The following PDE1C variants were observed in gnomAD, a reference collection of about 807,000 sequenced individuals.
The protein encoded by PDE1C is dual specificity calcium/calmodulin-dependent 3',5'-cyclic nucleotide phosphodiesterase 1C.
A neutral mutation model predicts 93.1 loss-of-function variants in PDE1C; 62 were observed. That is an observed-to-expected ratio of 0.67 (90% CI 0.54 to 0.82). The LOEUF (loss-of-function observed/expected upper bound fraction) is 0.82. Ranked by LOEUF, PDE1C falls within the 40% of genes least tolerant of loss-of-function variation. The probability of loss-of-function intolerance (pLI) is 0.00; values close to 1 mark genes in which losing one functional copy is unlikely to be tolerated. For missense variants in PDE1C, 742 were observed against 884.6 expected, an observed-to-expected ratio of 0.84 and a Z score of 2.04; for synonymous variants, 325 against 310.1, an observed-to-expected ratio of 1.05 and a Z score of -0.50.
chr7:32,025,504 C>T (rs1382706833), intron 2 of PDE1C, among the ~76,000 whole-genome samples: 1 of 152,038 alleles, frequency 6.6e-6, no homozygotes, highest in Admixed American at 6.6e-5. Context: ...GAAGCTGATC[C>T]CAGCAAGGCT....
intron 1 of PDE1C, among the ~76,000 whole-genome samples, chr7:32,334,451 A>T (rs1255229356): frequency 6.6e-6 from 1 of 152,054 alleles, no homozygotes; most frequent in Non-Finnish European, 1.5e-5. Flanking sequence ...TTTTTCCCCC[A>T]TAGGTTATTG....
At chr7:32,256,431 A>C (rs1003226436) in intron 1 of PDE1C, among the ~76,000 whole-genome samples, 2 of 152,168 alleles carry the variant, frequency 1.3e-5, no homozygotes, top group African/African-American at 2.4e-5. Flanking sequence ...GTATGGTGGC[A>C]AAGCCCTGGA....
chr7:32,192,342 C>T (rs1804291355), intron 2 of PDE1C, among the ~76,000 whole-genome samples: 1 of 152,070 alleles, frequency 6.6e-6, no homozygotes, highest in Non-Finnish European at 1.5e-5. Context: ...TATTTAGGCC[C>T]ATGATCTATT....
At chr7:32,386,845 T>C (rs1240486900) in intron 1 of PDE1C, among the ~76,000 whole-genome samples, 1 of 152,196 alleles carries the variant, frequency 6.6e-6, no homozygotes, top group African/African-American at 2.4e-5. Context: ...ATTTGCCCTC[T>C]TACTGCAGTG....
chr7:31,666,610 G>T, the PDE1C span, among the ~76,000 whole-genome samples: 17 of 152,264 alleles, frequency 1.1e-4, no homozygotes, highest in Admixed American at 4.6e-4. Flanking sequence ...TTAAAGTCAG[G>T]TTATTGAGGT....
chr7:31,983,467 T>TGA (rs1398594996), intron 2 of PDE1C, among the ~76,000 whole-genome samples: 1 of 152,176 alleles, frequency 6.6e-6, no homozygotes, highest in African/African-American at 2.4e-5. Flanking sequence ...ATGCACTGAA[T>TGA]GATGCATGCC....
At chr7:32,397,811 G>A (rs947607681) in intron 1 of PDE1C, among the ~76,000 whole-genome samples, 1 of 151,528 alleles carries the variant, frequency 6.6e-6, no homozygotes, top group Non-Finnish European at 1.5e-5. Context: ...GTCAGAGTTC[G>A]AGACTAGTCT....
chr7:31,626,607 C>T, the PDE1C span, among the ~76,000 whole-genome samples: 1 of 152,100 alleles, frequency 6.6e-6, no homozygotes, highest in Non-Finnish European at 1.5e-5. Flanking sequence ...TAGTTTTTAG[C>T]ATTTGAATCA....
At position 32,109,782 on chromosome 7, in the gene PDE1C, C is replaced by A. The variant is rs546564384; in HGVS notation, c.308+60003G>T. Among the ~76,000 whole-genome samples, 676 of 152,028 alleles carry A rather than the reference C, an allele frequency of 4.4e-3. 5 individuals carry two copies. Among genetic ancestry groups the A allele is most frequent in the African/African-American group, 0.016 (645 of 41,452 alleles). ...TTTGTCTTTTCATTTCATTTCTTTT[C>A]TTTTCTTTTCTTTAGAGGGAAGAGG... On this transcript the variant is annotated intron_variant, in intron 3 of 18. Transcript: ENST00000396193.
At position 31,897,381 on chromosome 7, in the gene PDE1C, C is replaced by T. The variant is rs111528237; in HGVS notation, c.129-16521G>A. On this transcript the variant is annotated intron_variant, in intron 2 of 17. Coordinates refer to ENST00000396191, the MANE Select transcript of PDE1C (RefSeq NM_001191057.4). ...CAGAAAACATGTAAGATTATACATT[C>T]GTGGACTTAAAATAGCAAATCATGG... Among the ~76,000 whole-genome samples, 1,377 of 152,294 alleles carry T rather than the reference C, an allele frequency of 9.0e-3. 19 individuals carry two copies. The highest frequency in any genetic ancestry group is 0.031 in the African/African-American group (1,296 of 41,558).
chr7:31,628,152 T>G, the PDE1C span, among the ~76,000 whole-genome samples: 1 of 152,186 alleles, frequency 6.6e-6, no homozygotes, highest in South Asian at 2.1e-4. Context: ...CGGCAGCCAT[T>G]TTCAAAAAGT....
chr7:32,148,914 A>G (rs146891014), intron 3 of PDE1C, among the ~76,000 whole-genome samples: 15 of 152,334 alleles, frequency 9.8e-5, no homozygotes, highest in Non-Finnish European at 1.9e-4. Context: ...TTATTATCTA[A>G]TCATCTCACA....
At chr7:32,150,218 C>G (rs1584860831) in intron 3 of PDE1C, among the ~76,000 whole-genome samples, 1 of 152,214 alleles carries the variant, frequency 6.6e-6, no homozygotes, top group East Asian at 1.9e-4. Context: ...CGGGTCACAT[C>G]ATTGTTGGGT....
At chr7:32,089,094 A>G (rs899412853) in intron 3 of PDE1C, among the ~76,000 whole-genome samples, 9 of 152,216 alleles carry the variant, frequency 5.9e-5, no homozygotes, top group Non-Finnish European at 1.3e-4. Flanking sequence ...CTGAAAGGGC[A>G]GGTTTAACCC....
At chr7:32,417,247 G>A (rs1785293557) in intron 1 of PDE1C, among the ~76,000 whole-genome samples, 1 of 151,476 alleles carries the variant, frequency 6.6e-6, no homozygotes, top group African/African-American at 2.4e-5. Flanking sequence ...GTGAATCCCA[G>A]TTGTAACTGA....
chr7:32,154,933 G>A lies in PDE1C; in HGVS notation c.308+14852C>T, dbSNP rs569429872. Among the ~76,000 whole-genome samples the A allele has an allele frequency of 2.4e-3, 369 of 152,374 alleles. 2 individuals are homozygous for A. The highest frequency in any genetic ancestry group is 8.6e-3 in the African/African-American group (359 of 41,590). ...AGCTAAAGTTGTATTCTTAGACTGA[G>A]CAATCTATGGCAGGAGGCCCAGGCA... On this transcript the variant is annotated intron_variant, in intron 3 of 18. Transcript: ENST00000396193.
intron 1 of PDE1C, among the ~76,000 whole-genome samples, chr7:32,211,950 C>T (rs1426330963): frequency 6.8e-6 from 1 of 147,280 alleles, no homozygotes; most frequent in Non-Finnish European, 1.5e-5. Flanking sequence ...CACTTGAGCC[C>T]AGGAGGTTGA....
chr7:31,864,622 T>C (rs1418085550), intron 7 of PDE1C, among the ~76,000 whole-genome samples: 1 of 152,216 alleles, frequency 6.6e-6, no homozygotes, highest in African/African-American at 2.4e-5. Flanking sequence ...TTATTGACCA[T>C]AGCAAAAGGT....
At chr7:32,188,616 C>G (rs1351516043) in intron 2 of PDE1C, among the ~76,000 whole-genome samples, 1 of 151,950 alleles carries the variant, frequency 6.6e-6, no homozygotes, top group South Asian at 2.1e-4. Flanking sequence ...GCTATCTTAC[C>G]AGGGCTACAT....
Sources: allele counts gnomAD v4.1 joint callset (sites outside exome capture counted in the v4.1 genomes callset), GRCh38; gene constraint gnomAD v4.1.1; transcripts MANE v1.5; gene names NCBI Gene and HGNC (gene_info 2026-07-23, HGNC 2026-07-21).